The following BMP6 variants were observed in gnomAD, a reference collection of about 807,000 sequenced individuals.
BMP6 encodes the protein bone morphogenetic protein 6.
Under a neutral mutation model 54.1 loss-of-function variants are expected in BMP6, and 17 were observed. That is an observed-to-expected ratio of 0.31 (90% confidence interval 0.22 to 0.47). BMP6 has a LOEUF of 0.47. BMP6 is among the 20% of genes least tolerant of loss of function. The pLI is 1.00. For synonymous variants in BMP6, 328 were observed against 291.2 expected, an observed-to-expected ratio of 1.13 and a Z score of -1.28; for missense variants, 720 against 690.4, an observed-to-expected ratio of 1.04 and a Z score of -0.48.
At chr6:7,769,604 T>G (rs1561766211) in intron 1 of BMP6, among the ~76,000 whole-genome samples, 1 of 152,216 alleles carries the variant, frequency 6.6e-6, no homozygotes, top group East Asian at 1.9e-4. Context: ...GGATCACACG[T>G]AAATCAAGCA....
chr6:7,772,242 G>T (rs1757800869), intron 1 of BMP6, among the ~76,000 whole-genome samples: 1 of 152,126 alleles, frequency 6.6e-6, no homozygotes, highest in Non-Finnish European at 1.5e-5. Context: ...TCCAGTTAAC[G>T]AGACACCCTG....
chr6:7,880,232 C>A lies in BMP6; in HGVS notation c.1431C>A (p.Cys477Ter). Reference protein sequence around the residue: ...LMNPEYVPKPCCAPTKLNAIS... With the variant: ...LMNPEYVPKP Reference sequence around the variant, plus strand: ...ACCCCGAGTATGTCCCCAAACCGTGCTGTGCGCCAACTAAGCTAAATGCCA... The same window carrying A: ...ACCCCGAGTATGTCCCCAAACCGTGATGTGCGCCAACTAAGCTAAATGCCA... Residue 477 changes from cysteine (C) to a stop codon, truncating the protein, a stop_gained, in exon 7 of 7, where the codon TGC becomes TGA. Transcript: ENST00000283147. LOFTEE classifies it high-confidence loss of function. 1 of 1,614,184 alleles carries A rather than the reference C, an allele frequency of 6.2e-7. No homozygotes were observed. Among genetic ancestry groups the A allele is most frequent in the Non-Finnish European group, 8.5e-7 (1 of 1,180,036 alleles).
At chr6:7,730,110 G>T (rs923912401) in intron 1 of BMP6, among the ~76,000 whole-genome samples, 8 of 152,188 alleles carry the variant, frequency 5.3e-5, no homozygotes. Flanking sequence ...AATTTGTAAA[G>T]TATAGTCATA....
At position 7,727,486 on chromosome 6, in the gene BMP6, C is replaced by T; in HGVS notation, c.531C>T (p.Gly177=). The change falls in exon 1 of 7, where the codon GGC becomes GGT. Residue 177 remains glycine (G), a synonymous_variant. Transcript: ENST00000283147. ...CCCAGCGTCGGCAGCCGCCCCCGGG[C>T]GCCGCGCACCCGCTCAACCGCAAGA... ...SSSQRRQPPP[G]AAHPLNRKSL... is the part of the protein sequence containing the mutation. The T allele has an allele frequency of 6.3e-7, 1 of 1,594,072 alleles. No individual in the cohort carries two copies.
chr6:7,759,970 G>A (rs553769975), intron 1 of BMP6, among the ~76,000 whole-genome samples: 1 of 151,284 alleles, frequency 6.6e-6, no homozygotes, highest in African/African-American at 2.4e-5. Context: ...CTCCCAAAGT[G>A]CTGGGATTAC....
At chr6:7,845,384 C>T in intron 2 of BMP6, 52 bp downstream of exon 2, 1 of 1,524,266 alleles carries the variant, frequency 6.6e-7, no homozygotes, top group African/African-American at 1.4e-5. Flanking sequence ...TGTTTCCCAC[C>T]TTTTGTCATG....
At chr6:7,805,619 C>T (rs1758335973) in intron 1 of BMP6, among the ~76,000 whole-genome samples, 1 of 152,174 alleles carries the variant, frequency 6.6e-6, no homozygotes, top group Non-Finnish European at 1.5e-5. Flanking sequence ...ATAGAGGTTT[C>T]AGATAACAGA....
chr6:7,850,135 T>C (rs1759121236), intron 2 of BMP6, among the ~76,000 whole-genome samples: 1 of 152,148 alleles, frequency 6.6e-6, no homozygotes, highest in Non-Finnish European at 1.5e-5. Flanking sequence ...TCCATGTTTT[T>C]GTTTTTTGTT....
intron 1 of BMP6, among the ~76,000 whole-genome samples, chr6:7,805,779 G>T (rs1402152389): frequency 6.6e-6 from 1 of 152,200 alleles, no homozygotes; most frequent in Non-Finnish European, 1.5e-5. Context: ...AATTCTGAGG[G>T]TCGGTAGAGA....
chr6:7,742,779 CAGAGT>C (rs2113119098), intron 1 of BMP6, among the ~76,000 whole-genome samples: 1 of 152,204 alleles, frequency 6.6e-6, no homozygotes, highest in South Asian at 2.1e-4. Flanking sequence ...AATGTCAAAT[CAGAGT>C]AGGCGCATAC....
At chr6:7,835,970 G>A (rs1027290317) in intron 1 of BMP6, among the ~76,000 whole-genome samples, 1 of 151,870 alleles carries the variant, frequency 6.6e-6, no homozygotes, top group Non-Finnish European at 1.5e-5. Flanking sequence ...GCGAGTAGCC[G>A]GGACTACAGG....
At chr6:7,742,222 GGAA>G (rs890274110) in intron 1 of BMP6, among the ~76,000 whole-genome samples, 18 of 152,086 alleles carry the variant, frequency 1.2e-4, no homozygotes, top group Non-Finnish European at 4.4e-5. Flanking sequence ...AAAGGCTTTG[GGAA>G]GAAGAAATAT....
chr6:7,856,798 G>A (rs960034252), intron 2 of BMP6, among the ~76,000 whole-genome samples: 7 of 150,876 alleles, frequency 4.6e-5, no homozygotes, highest in African/African-American at 7.3e-5. Context: ...GGGTTTCACC[G>A]TTTTAGCCGG....
At chr6:7,771,768 TTA>T (rs1330403988) in intron 1 of BMP6, among the ~76,000 whole-genome samples, 1 of 152,164 alleles carries the variant, frequency 6.6e-6, no homozygotes, top group Non-Finnish European at 1.5e-5. Context: ...AGAAGTCCTT[TTA>T]GGTCGGATGC....
At chr6:7,848,500 A>G (rs1759099300) in intron 2 of BMP6, among the ~76,000 whole-genome samples, 1 of 152,162 alleles carries the variant, frequency 6.6e-6, no homozygotes. Flanking sequence ...TCGGTCAGTC[A>G]GTGATTTCAG....
intron 1 of BMP6, among the ~76,000 whole-genome samples, chr6:7,761,156 A>G (rs1757607408): frequency 6.6e-6 from 1 of 152,244 alleles, no homozygotes; most frequent in East Asian, 1.9e-4. Context: ...CTCCAAGACT[A>G]TCTTTGGATT....
In BMP6 at chr6:7,727,054, TGCCGCGGCCGCC is replaced by T. The variant is rs1361968790; in HGVS notation, c.105_116del (p.Ala36_Ala39del). ...CGCCGCTGCGGCCGCCCTTGCCCGC[TGCCGCGGCCGCC>T]GCCGCCGGGGGGCAGCTGCTGGGGG... On this transcript the variant is annotated inframe_deletion, in exon 1 of 7. Transcript: ENST00000283147. 1 of 1,185,582 alleles carries T rather than the reference TGCCGCGGCCGCC, an allele frequency of 8.4e-7. No individual in the cohort carries two copies. Among genetic ancestry groups the T allele is most frequent in the Non-Finnish European group, 1.0e-6 (1 of 960,268 alleles). 73.4% of individuals were successfully genotyped at this position (1,185,582 alleles called of 1,614,324 possible).
chr6:7,857,219 C>G (rs1305857516), intron 2 of BMP6, among the ~76,000 whole-genome samples: 1 of 152,174 alleles, frequency 6.6e-6, no homozygotes, highest in Non-Finnish European at 1.5e-5. Context: ...TCTGATTCAT[C>G]AACTCTAAAG....
rs1757360675 is a variant in BMP6 at position 7,747,159 on chromosome 6, A to G, written c.664+19540A>G. Among the ~76,000 whole-genome samples, 3 of 152,218 alleles carry G rather than the reference A, an allele frequency of 2.0e-5. No homozygotes were observed. In the South Asian group the frequency reaches 6.2e-4, roughly 31 times the overall value. On this transcript the variant is annotated intron_variant, in intron 1 of 6. Transcript: ENST00000283147. ...CTGCGTATGGGAGATGATTTAGAGA[A>G]GTTTAGATGTTCGATGTCAGTGTTT...
Sources: allele counts gnomAD v4.1 joint callset (sites outside exome capture counted in the v4.1 genomes callset), GRCh38; gene constraint gnomAD v4.1.1; transcripts MANE v1.5; gene names NCBI Gene and HGNC (gene_info 2026-07-23, HGNC 2026-07-21).